The following KDM4A variants were observed in gnomAD, a reference collection of about 807,000 sequenced individuals.
KDM4A encodes lysine-specific demethylase 4A.
In KDM4A, 23 loss-of-function variants were observed where a neutral mutation model predicts 127.1. That is an observed-to-expected ratio of 0.18 (90% CI 0.13 to 0.26). The LOEUF is 0.26. KDM4A is among the 10% of genes least tolerant of loss of function. The pLI is 1.00. For missense variants in KDM4A, 890 were observed against 1,329.1 expected, an observed-to-expected ratio of 0.67 and a Z score of 5.14; for synonymous variants, 443 against 466.5, an observed-to-expected ratio of 0.95 and a Z score of 0.65.
rs1570827340 is a variant in KDM4A, at chr1:43,665,871, T to G, written c.673+126T>G. The G allele has an allele frequency of 7.9e-6, 7 of 885,464 alleles. No homozygotes were observed. The East Asian group carries it at 1.8e-4, about 22-fold the overall frequency. 54.9% of individuals were successfully genotyped at this position (885,464 alleles called of 1,614,324 possible). Reference sequence around the variant, plus strand: ...CCTGTTGCAGGCCTGCAGACGGGGGTGAGCCACACTGGTTACCTTAAGAGG... The same window carrying G: ...CCTGTTGCAGGCCTGCAGACGGGGGGGAGCCACACTGGTTACCTTAAGAGG... On this transcript the variant is annotated intron_variant, in intron 6 of 21. Transcript: ENST00000372396.
At chr1:43,655,950 C>T (rs1238872508) in intron 3 of KDM4A, among the ~76,000 whole-genome samples, 184 bp downstream of exon 3, 1 of 152,182 alleles carries the variant, frequency 6.6e-6, no homozygotes, top group African/African-American at 2.4e-5. Context: ...GTGTCCCAGT[C>T]TAAACCTGTT....
chr1:43,667,055 C>A lies in KDM4A; in HGVS notation c.879C>A (p.Thr293=), dbSNP rs774630657. 1 of 1,614,090 alleles carries A rather than the reference C, an allele frequency of 6.2e-7. No individual in the cohort carries two copies. The highest frequency in any genetic ancestry group is 1.7e-5 in the Admixed American group (1 of 60,012). ...FNCAESTNFA[T]RRWIEYGKQA... is the part of the protein sequence containing the mutation. ...GTGCGGAGTCTACCAATTTTGCTAC[C>A]CGTCGGTGGATTGAGTACGGCAAGC... is the stretch of plus-strand genomic sequence containing the variant. Residue 293 remains threonine, a synonymous_variant, in exon 8 of 22, where the codon ACC becomes ACA. Coordinates refer to ENST00000372396, the MANE Select transcript of KDM4A (RefSeq NM_014663.3).
intron 11 of KDM4A, among the ~76,000 whole-genome samples, chr1:43,675,509 G>A (rs1156230735): frequency 6.6e-6 from 1 of 152,206 alleles, no homozygotes; most frequent in East Asian, 1.9e-4. Context: ...TCTGGGAGAG[G>A]AGGGTGTTCT....
At chr1:43,678,096 G>A (rs1340232695) in intron 11 of KDM4A, among the ~76,000 whole-genome samples, 1 of 152,130 alleles carries the variant, frequency 6.6e-6, no homozygotes, top group Non-Finnish European at 1.5e-5. Context: ...ATAGGTGGTG[G>A]TGTCATCCAT....
At chr1:43,686,383 C>T (rs1660981085) in intron 12 of KDM4A, among the ~76,000 whole-genome samples, 1 of 146,044 alleles carries the variant, frequency 6.8e-6, no homozygotes, top group South Asian at 2.2e-4. Context: ...GTTGCCCAGG[C>T]TGGAGTGCAG....
chr1:43,687,892 A>T (rs1261031884), intron 12 of KDM4A, among the ~76,000 whole-genome samples: 1 of 152,068 alleles, frequency 6.6e-6, no homozygotes, highest in Non-Finnish European at 1.5e-5. Flanking sequence ...GTGAAGTCTG[A>T]TGAGTTGTAT....
chr1:43,655,208 G>C (rs1478722789), intron 2 of KDM4A, among the ~76,000 whole-genome samples: 2 of 152,172 alleles, frequency 1.3e-5, no homozygotes, highest in African/African-American at 4.8e-5. Context: ...AATCTAGTGT[G>C]TGAAAAAAGG....
chr1:43,683,196 C>G (rs1660896169), intron 11 of KDM4A, among the ~76,000 whole-genome samples: 2 of 152,244 alleles, frequency 1.3e-5, no homozygotes, highest in South Asian at 4.1e-4. Context: ...GCCTATTTTA[C>G]TTTTAATAGG....
Position 43,694,036 on chromosome 1 carries a change from G to T in KDM4A, c.2418G>T (p.Arg806Ser). 6.2e-7 allele frequency: 1 copy of T among 1,614,254 alleles called. No individual in the cohort carries two copies. Among genetic ancestry groups the T allele is most frequent in the Non-Finnish European group, 8.5e-7 (1 of 1,180,046 alleles). Residue 806 changes from arginine (R) to serine (S), a missense_variant, in exon 17 of 22, where the codon AGG (arginine) becomes AGT (serine). By Grantham distance (110) the Arg-to-Ser change is moderately radical. Coordinates refer to ENST00000372396, the MANE Select transcript of KDM4A (RefSeq NM_014663.3). The surrounding 1 kb of genome is among the most constrained non-coding windows in gnomAD (Gnocchi z 5.2). Reference sequence around the variant, plus strand: ...GTGCTGTGGCAATTCTGGAAGCAAGGTTTGTCAACATTGCAGAAAGAAGTC... The same window carrying T: ...GTGCTGTGGCAATTCTGGAAGCAAGTTTTGTCAACATTGCAGAAAGAAGTC... Reference protein sequence around the residue: ...VSCAVAILEARFVNIAERSPV... With the variant: ...VSCAVAILEASFVNIAERSPV...
chr1:43,690,822 G>A (rs1442092828), intron 13 of KDM4A, 23 bp from the exon 14 acceptor site: 2 of 1,610,772 alleles, frequency 1.2e-6, no homozygotes, highest in African/African-American at 2.7e-5. Context: ...TCACTGAGGT[G>A]TACACTTGTT....
intron 18 of KDM4A, among the ~76,000 whole-genome samples, chr1:43,697,562 T>C (rs1305223170): frequency 6.6e-6 from 1 of 152,218 alleles, no homozygotes; most frequent in Non-Finnish European, 1.5e-5. Context: ...CAGAGAGTTC[T>C]GGGTAAGATA....
At chr1:43,699,592 C>T (rs140145902) in intron 19 of KDM4A, among the ~76,000 whole-genome samples, 5 of 151,930 alleles carry the variant, frequency 3.3e-5, no homozygotes, top group African/African-American at 1.2e-4. Flanking sequence ...TACATCTAAA[C>T]GTATTTATTC....
chr1:43,662,578 G>GC (rs1487664568), intron 4 of KDM4A, among the ~76,000 whole-genome samples: 8 of 152,210 alleles, frequency 5.3e-5, no homozygotes, highest in Non-Finnish European at 1.5e-5. Context: ...CTGCACTCCA[G>GC]CCTGAGCAAC....
Position 43,704,778 on chromosome 1 carries a change from T to C in KDM4A, c.*408T>C, listed in dbSNP as rs187150646. The C allele has an allele frequency of 1.4e-3, 303 of 213,494 alleles. 1 individual carries two copies. The highest frequency in any genetic ancestry group is 3.5e-3 in the Admixed American group (66 of 18,852). 13.2% of individuals were successfully genotyped at this position (213,494 alleles called of 1,614,324 possible). On this transcript the variant is annotated 3_prime_UTR_variant, in exon 22 of 22. Transcript: ENST00000372396. ...CTACTTTTGTATTTATATGTGTGTG[T>C]GTGTGTGCGTGCGTGCGTGCGTGCG... is the stretch of plus-strand genomic sequence containing the variant.
At chr1:43,659,743 A>G (rs1356723913) in intron 3 of KDM4A, among the ~76,000 whole-genome samples, 2 of 152,184 alleles carry the variant, frequency 1.3e-5, no homozygotes, top group African/African-American at 4.8e-5. Context: ...GCTATTTTAT[A>G]TTTTTACTAA....
At chr1:43,698,654 T>C (rs142151825) in intron 19 of KDM4A, among the ~76,000 whole-genome samples, 177 of 152,326 alleles carry the variant, frequency 1.2e-3, no homozygotes, top group African/African-American at 4.1e-3. Flanking sequence ...ATTTTTTCCT[T>C]TAACAAATCA....
intron 12 of KDM4A, among the ~76,000 whole-genome samples, chr1:43,687,918 A>G (rs1661024715): frequency 6.6e-6 from 1 of 151,858 alleles, no homozygotes; most frequent in African/African-American, 2.4e-5. Context: ...GCTGTCTAGC[A>G]TACCTAGGAG....
Position 43,690,942 on chromosome 1 carries a change from C to G in KDM4A, c.2135C>G (p.Thr712Ser). 1 of 1,614,234 alleles carries G rather than the reference C, an allele frequency of 6.2e-7. No individual in the cohort carries two copies. Among genetic ancestry groups the G allele is most frequent in the Non-Finnish European group, 8.5e-7 (1 of 1,180,036 alleles). ...TKPLIPEMCF[T>S]STGCSTDINL... Reference sequence around the variant, plus strand: ...CCATTGATTCCAGAAATGTGCTTCACTTCGACTGGCTGCAGCACGGACATC... The same window carrying G: ...CCATTGATTCCAGAAATGTGCTTCAGTTCGACTGGCTGCAGCACGGACATC... Residue 712 changes from threonine (T) to serine (S), a missense_variant, in exon 14 of 22, where the codon ACT (threonine) becomes AGT (serine). Coordinates refer to ENST00000372396, the MANE Select transcript of KDM4A (RefSeq NM_014663.3).
chr1:43,691,641 A>C, intron 15 of KDM4A, 69 bp downstream of exon 15: 1 of 1,344,110 alleles, frequency 7.4e-7, no homozygotes, highest in South Asian at 1.2e-5. Flanking sequence ...AGACGATTTC[A>C]TGTTGGACTC....
Sources: gnomAD v4.1 joint callset for allele counts (sites outside exome capture counted in the v4.1 genomes callset) on GRCh38, gnomAD v4.1.1 for gene constraint, Gnocchi (gnomAD v3.1) non-coding constraint, MANE v1.5 for transcripts, NCBI Gene and HGNC (gene_info 2026-07-23, HGNC 2026-07-21) for gene names.